Variants in ZNF730 observed in about 807,000 individuals in gnomAD.
ZNF730 encodes the protein putative zinc finger protein 730.
A neutral mutation model predicts 12.6 loss-of-function variants in ZNF730; 12 were observed. The observed-to-expected ratio is 0.95, with a 90% CI of 0.61 to 1.54. The LOEUF (loss-of-function observed/expected upper bound fraction) is 1.54. Ranked by LOEUF, ZNF730 falls within the 40% of genes most tolerant of loss-of-function variation. The pLI, the probability that ZNF730 is intolerant of heterozygous loss-of-function variation, is 0.00. For missense variants in ZNF730, 643 were observed against 583.5 expected (o/e 1.10, Z -1.05); for synonymous variants, 194 against 195.8 (o/e 0.99, Z 0.08).
intron 1 of ZNF730, among the ~76,000 whole-genome samples, chr19:23,118,310 G>C (rs180930271): frequency 1.6e-3 from 235 of 150,114 alleles, no homozygotes; most frequent in South Asian, 0.014. Context: ...TTTTTCTTTT[G>C]TCTCCCCTAG....
chr19:23,130,226 C>T (rs905577392), intron 1 of ZNF730, among the ~76,000 whole-genome samples: 1 of 152,040 alleles, frequency 6.6e-6, no homozygotes, highest in Non-Finnish European at 1.5e-5. Flanking sequence ...AGTGAATGAA[C>T]TTCAGAATAT....
intron 1 of ZNF730, chr19:23,095,726 T>G: frequency 3.1e-6 from 1 of 323,986 alleles, no homozygotes; most frequent in Admixed American, 4.9e-5. Context: ...CTCTGGGCCC[T>G]TTGACTATTT....
chr19:23,142,600 A>T (rs1400410340), intron 3 of ZNF730, among the ~76,000 whole-genome samples: 1 of 150,604 alleles, frequency 6.6e-6, no homozygotes, highest in Admixed American at 6.6e-5. Flanking sequence ...AGGTGGGAGA[A>T]TGGCGTGAAC....
chr19:23,111,592 AC>A (rs1363736492), intron 1 of ZNF730, among the ~76,000 whole-genome samples: 5 of 151,992 alleles, frequency 3.3e-5, no homozygotes, highest in African/African-American at 4.8e-5. Context: ...ACTAAAAATT[AC>A]AAAAAATTAG....
chr19:23,077,828 A>G (rs1206484879), intron 1 of ZNF730, among the ~76,000 whole-genome samples: 1 of 152,162 alleles, frequency 6.6e-6, no homozygotes, highest in Non-Finnish European at 1.5e-5. Context: ...CTGTACTAAG[A>G]AAAATTCTTC....
chr19:23,144,515 A>G (rs1173111252), intron 3 of ZNF730, among the ~76,000 whole-genome samples: 1 of 152,052 alleles, frequency 6.6e-6, no homozygotes, highest in Non-Finnish European at 1.5e-5. Context: ...CCTAGTCAAC[A>G]TGGTGAAATC....
intron 3 of ZNF730, among the ~76,000 whole-genome samples, chr19:23,137,720 G>GATATTCTTTTGTTGGGTGCCC (rs1970854013): frequency 6.6e-6 from 1 of 152,212 alleles, no homozygotes; most frequent in Admixed American, 6.5e-5. Flanking sequence ...AAGATGTAAA[G>GATATTCTTTTGTTGGGTGCCC]ATATTCTTTT....
In ZNF730 at chr19:23,145,776, T is replaced by C. The variant is rs1245378580; in HGVS notation, c.732T>C (p.Thr244=). Residue 244 remains threonine (T), a synonymous_variant, in exon 4 of 4, where the codon ACT becomes ACC. Transcript: ENST00000597761. ...GKAFNWFSHF[T]THKRIHTGEK... is the part of the protein sequence containing the mutation. ...CCTTTAACTGGTTTTCACATTTTAC[T>C]ACACATAAGAGAATTCATACTGGAG... The C allele has an allele frequency of 6.3e-7, 1 of 1,576,218 alleles. No homozygotes were observed. The highest frequency in any genetic ancestry group is 1.2e-5 in the South Asian group (1 of 86,596).
Position 23,145,695 on chromosome 19 carries a change from T to A in ZNF730, c.651T>A (p.Thr217=), listed in dbSNP as rs1409859250. ...GKAFNESSNC[T]THKRITEKKP... The stretch of plus-strand genomic sequence containing the variant: ...CCTTTAATGAGTCCTCAAACTGTAC[T>A]ACACATAAAAGAATTACTGAGAAAA... Residue 217 remains threonine (T), a synonymous_variant, in exon 4 of 4, where the codon ACT becomes ACA. Coordinates refer to ENST00000597761, the MANE Select transcript of ZNF730 (RefSeq NM_001277403.2). The A allele has an allele frequency of 1.9e-6, 3 of 1,555,958 alleles. No individual in the cohort carries two copies. The highest frequency in any genetic ancestry group is 2.6e-6 in the Non-Finnish European group (3 of 1,151,318).
chr19:23,128,106 G>A, intron 1 of ZNF730: 1 of 861,156 alleles, frequency 1.2e-6, no homozygotes, highest in South Asian at 1.3e-5. Context: ...CCTGCTATTT[G>A]GATGTAGGCC....
chr19:23,110,232 A>G (rs1449000769), intron 1 of ZNF730, among the ~76,000 whole-genome samples: 1 of 129,542 alleles, frequency 7.7e-6, no homozygotes, highest in Non-Finnish European at 1.6e-5. Flanking sequence ...TGGCCTCCCA[A>G]AGTGCTGGGA....
chr19:23,143,061 G>A (rs536848065), intron 3 of ZNF730, among the ~76,000 whole-genome samples: 19 of 152,078 alleles, frequency 1.2e-4, no homozygotes, highest in African/African-American at 3.1e-4. Context: ...TGGCTAACAC[G>A]GTGAAACCCT....
chr19:23,103,059 A>G (rs1325390844), intron 1 of ZNF730, among the ~76,000 whole-genome samples: 2 of 152,214 alleles, frequency 1.3e-5, no homozygotes, highest in African/African-American at 4.8e-5. Context: ...GACAGGGTCC[A>G]CTGGTAAGTC....
chr19:23,124,063 C>T (rs1256637796), intron 1 of ZNF730: 2 of 152,162 alleles, frequency 1.3e-5, no homozygotes, highest in Non-Finnish European at 2.9e-5. Context: ...AGTCTCCTCT[C>T]CCTGCAGCGC....
chr19:23,082,409 C>T (rs950128258), intron 1 of ZNF730, among the ~76,000 whole-genome samples: 2 of 148,908 alleles, frequency 1.3e-5, no homozygotes, highest in African/African-American at 2.5e-5. Flanking sequence ...TGCAATGGTA[C>T]GATCTTGGCT....
intron 1 of ZNF730, among the ~76,000 whole-genome samples, chr19:23,094,661 A>G (rs1439775615): frequency 2.0e-5 from 3 of 151,924 alleles, no homozygotes; most frequent in African/African-American, 7.3e-5. Context: ...TTTAGTAGAA[A>G]TGGGGTTTCA....
At chr19:23,075,845 C>T (rs1969849660) in intron 1 of ZNF730, among the ~76,000 whole-genome samples, 1 of 151,898 alleles carries the variant, frequency 6.6e-6, no homozygotes, top group Non-Finnish European at 1.5e-5. Context: ...GTCAAGCCTC[C>T]CAAAGTGCCG....
upstream of ZNF730, among the ~76,000 whole-genome samples, chr19:23,113,908 T>TCTA (rs1017465966): frequency 1.1e-4 from 16 of 152,300 alleles, no homozygotes; most frequent in African/African-American, 3.6e-4. Context: ...ATACCCTAAA[T>TCTA]CTACCCCCTT....
chr19:23,105,086 A>G (rs1389060762), intron 1 of ZNF730, among the ~76,000 whole-genome samples: 2 of 151,866 alleles, frequency 1.3e-5, no homozygotes, highest in Admixed American at 6.6e-5. Flanking sequence ...CTATGTTGCA[A>G]ACAACTCAGT....
Sources: allele counts gnomAD v4.1 joint callset (sites outside exome capture counted in the v4.1 genomes callset), GRCh38; gene constraint gnomAD v4.1.1; transcripts MANE v1.5; gene names NCBI Gene and HGNC (gene_info 2026-07-23, HGNC 2026-07-21).